Variants in TRERF1 observed in about 807,000 individuals in gnomAD.
TRERF1 encodes transcriptional regulating factor 1.
Under a neutral mutation model 122.9 loss-of-function variants are expected in TRERF1, and 27 were observed. The observed-to-expected ratio is 0.22, with a 90% confidence interval of 0.16 to 0.30. TRERF1 has a LOEUF of 0.30. Ranked by LOEUF, TRERF1 falls within the 10% of genes least tolerant of loss-of-function variation. The pLI is 1.00. For missense variants in TRERF1, 1,248 were observed against 1,560.3 expected, an observed-to-expected ratio of 0.80 and a Z score of 3.37; for synonymous variants, 636 against 641.7, an observed-to-expected ratio of 0.99 and a Z score of 0.13.
intron 10 of TRERF1, among the ~76,000 whole-genome samples, chr6:42,257,536 G>T (rs961557625): frequency 2.6e-5 from 4 of 152,192 alleles, no homozygotes. Context: ...AGCAAGGCTG[G>T]AATAATTACT....
At chr6:42,428,283 G>C (rs1364265926) in intron 2 of TRERF1, among the ~76,000 whole-genome samples, 1 of 152,216 alleles carries the variant, frequency 6.6e-6, no homozygotes, top group Non-Finnish European at 1.5e-5. Context: ...AGTACCATCT[G>C]CATTATAATG....
chr6:42,265,822 C>A, intron 5 of TRERF1, 25 bp from the exon 6 acceptor site: 2 of 1,610,992 alleles, frequency 1.2e-6, no homozygotes, highest in South Asian at 1.1e-5. Context: ...AACAGGACAC[C>A]GAAAAAAAGA....
At chr6:42,290,647 A>T (rs1279267210) in intron 4 of TRERF1, among the ~76,000 whole-genome samples, 5 of 152,060 alleles carry the variant, frequency 3.3e-5, no homozygotes, top group African/African-American at 4.8e-5. Context: ...TAATTAAAAA[A>T]AAGTTAAGTG....
intron 3 of TRERF1, among the ~76,000 whole-genome samples, chr6:42,341,510 G>A (rs979452460): frequency 6.6e-6 from 1 of 152,250 alleles, no homozygotes; most frequent in African/African-American, 2.4e-5. Context: ...CCCGGGAACA[G>A]GAGGGAGCAG....
chr6:42,260,154 G>A (rs1270106699), intron 8 of TRERF1, among the ~76,000 whole-genome samples: 2 of 152,016 alleles, frequency 1.3e-5, no homozygotes, highest in Non-Finnish European at 2.9e-5. Flanking sequence ...CAGGGAAGCT[G>A]GGACCGAGAC....
chr6:42,442,205 A>T (rs1786650309), intron 2 of TRERF1, among the ~76,000 whole-genome samples: 1 of 152,062 alleles, frequency 6.6e-6, no homozygotes, highest in Non-Finnish European at 1.5e-5. Context: ...CAACAGAGGG[A>T]ACTCAAACGA....
intron 17 of TRERF1, among the ~76,000 whole-genome samples, chr6:42,229,524 T>C (rs1320362817): frequency 6.6e-6 from 1 of 152,204 alleles, no homozygotes; most frequent in East Asian, 1.9e-4. Context: ...TGGACTGTTG[T>C]CCTCTCCCTG....
Position 42,355,932 on chromosome 6 carries a change from T to C in TRERF1, c.-371+7065A>G, listed in dbSNP as rs141124769. The stretch of plus-strand genomic sequence containing the variant: ...GGTTATAGAAGGTGATCATGGAATA[T>C]TGGATGTGTTGAACCATTCAAATTT... On this transcript the variant is annotated intron_variant, in intron 3 of 17. Coordinates refer to ENST00000372922, the Ensembl canonical transcript of TRERF1. Among the ~76,000 whole-genome samples, 456 of 152,356 alleles carry C rather than the reference T, an allele frequency of 3.0e-3. 1 individual carries two copies. Among genetic ancestry groups the C allele is most frequent in the African/African-American group, 0.01 (435 of 41,570 alleles).
intron 5 of TRERF1, among the ~76,000 whole-genome samples, chr6:42,267,613 C>T (rs1779442054): frequency 6.6e-6 from 1 of 152,116 alleles, no homozygotes; most frequent in Non-Finnish European, 1.5e-5. Context: ...GCCTGGGCTA[C>T]AGGGTGAGAC....
intron 2 of TRERF1, among the ~76,000 whole-genome samples, chr6:42,385,053 C>A (rs113545580): frequency 0.029 from 4,433 of 152,240 alleles, 204 homozygotes; most frequent in African/African-American, 0.1. Flanking sequence ...TCTCGGCTCA[C>A]TGCAACCTCT....
chr6:42,377,247 A>AACTAGT, intron 2 of TRERF1, among the ~76,000 whole-genome samples: 1 of 152,346 alleles, frequency 6.6e-6, no homozygotes, highest in South Asian at 2.1e-4. Context: ...GGATAGTCAC[A>AACTAGT]AGGTGGTACA....
chr6:42,260,405 AG>A (rs997573503), intron 8 of TRERF1, among the ~76,000 whole-genome samples: 6 of 152,130 alleles, frequency 3.9e-5, no homozygotes, highest in African/African-American at 1.4e-4. Flanking sequence ...GCTTCCTGTC[AG>A]GAGAGTTAGT....
intron 3 of TRERF1, among the ~76,000 whole-genome samples, chr6:42,322,767 A>G (rs1561987411): frequency 6.6e-6 from 1 of 152,164 alleles, no homozygotes; most frequent in Non-Finnish European, 1.5e-5. Flanking sequence ...CTGGAGCTGT[A>G]GCTGTAAAAG....
At chr6:42,256,757 A>T (rs1459538652) in exon 12 of TRERF1, 9 of 1,614,226 alleles carry the variant, frequency 5.6e-6, no homozygotes, top group Non-Finnish European at 7.6e-6. Flanking sequence ...TCAAACAGAG[A>T]GTGCAAAGCA....
At chr6:42,280,676 CA>C (rs1245064736) in intron 4 of TRERF1, among the ~76,000 whole-genome samples, 2 of 152,112 alleles carry the variant, frequency 1.3e-5, no homozygotes, top group Non-Finnish European at 2.9e-5. Context: ...TTCAAGGGTC[CA>C]GGGGGAGCCT....
At chr6:42,333,818 T>C (rs1039920073) in intron 3 of TRERF1, among the ~76,000 whole-genome samples, 5 of 152,124 alleles carry the variant, frequency 3.3e-5, no homozygotes, top group Admixed American at 2.6e-4. Flanking sequence ...CACCAACGGA[T>C]ACAAAGACAC....
intron 4 of TRERF1, among the ~76,000 whole-genome samples, chr6:42,296,123 A>G (rs1785071290): frequency 6.6e-6 from 1 of 152,208 alleles, no homozygotes; most frequent in Non-Finnish European, 1.5e-5. Flanking sequence ...CCACGGCACC[A>G]GGACACAGGG....
At chr6:42,319,831 T>A (rs1031907949) in intron 3 of TRERF1, among the ~76,000 whole-genome samples, 3 of 141,422 alleles carry the variant, frequency 2.1e-5, no homozygotes, top group Admixed American at 7.1e-5. Context: ...AAAAAAAAAA[T>A]GGTGCATTCA....
intron 3 of TRERF1, among the ~76,000 whole-genome samples, chr6:42,357,002 G>A (rs1770692533): frequency 6.6e-6 from 1 of 152,150 alleles, no homozygotes; most frequent in Non-Finnish European, 1.5e-5. Context: ...GATATGCCTT[G>A]AGAGAAACCA....
Sources: allele counts gnomAD v4.1 joint callset (sites outside exome capture counted in the v4.1 genomes callset), GRCh38; gene constraint gnomAD v4.1.1; transcripts MANE v1.5; gene names NCBI Gene and HGNC (gene_info 2026-07-23, HGNC 2026-07-21).